NRG3: variants seen among roughly 807,000 people sequenced by gnomAD.
NRG3 encodes neuregulin 3.
In NRG3, 31 loss-of-function variants were observed where a neutral mutation model predicts 66.9. That is an observed-to-expected ratio of 0.46 (90% CI 0.35 to 0.63). The LOEUF (loss-of-function observed/expected upper bound fraction) is 0.63, where lower values mean the gene tolerates loss of function less well. Among genes scored for constraint, NRG3 ranks in the 20% least tolerant of loss-of-function variants. The pLI is 0.00. For synonymous variants in NRG3, 393 were observed against 359.4 expected, an observed-to-expected ratio of 1.09 and a Z score of -1.06; for missense variants, 910 against 878.9, an observed-to-expected ratio of 1.04 and a Z score of -0.45.
chr10:82,118,480 A>G (rs2067866459), intron 1 of NRG3, among the ~76,000 whole-genome samples: 2 of 152,112 alleles, frequency 1.3e-5, no homozygotes, highest in South Asian at 4.1e-4. Flanking sequence ...TTTCTTTTTT[A>G]ATAGTGTGAG....
chr10:82,604,118 A>T (rs1283645957), intron 2 of NRG3, among the ~76,000 whole-genome samples: 2 of 152,152 alleles, frequency 1.3e-5, no homozygotes, highest in Non-Finnish European at 2.9e-5. Context: ...ATGAGTTTTG[A>T]CAAGTGCATA....
chr10:82,733,471 A>T (rs2058017252), intron 2 of NRG3, among the ~76,000 whole-genome samples: 1 of 152,206 alleles, frequency 6.6e-6, no homozygotes, highest in Non-Finnish European at 1.5e-5. Flanking sequence ...CCATAATATA[A>T]ACCATCCCTC....
intron 2 of NRG3, among the ~76,000 whole-genome samples, chr10:82,675,226 G>T (rs2134071494): frequency 6.6e-6 from 1 of 152,174 alleles, no homozygotes; most frequent in East Asian, 1.9e-4. Context: ...CAAAGTGCTG[G>T]GATTACAGGT....
chr10:82,064,166 T>A (rs1301544007), intron 1 of NRG3, among the ~76,000 whole-genome samples: 1 of 152,284 alleles, frequency 6.6e-6, no homozygotes, highest in East Asian at 1.9e-4. Flanking sequence ...TAAGGAAAGA[T>A]CATTAGACCA....
intron 1 of NRG3, among the ~76,000 whole-genome samples, chr10:82,071,483 G>A (rs2064803744): frequency 3.3e-5 from 5 of 152,146 alleles, no homozygotes; most frequent in Admixed American, 3.3e-4. Flanking sequence ...CCCAGGCAGA[G>A]GAAGGGCGCA....
At chr10:82,208,667 A>G (rs1345814739) in intron 1 of NRG3, among the ~76,000 whole-genome samples, 5 of 152,130 alleles carry the variant, frequency 3.3e-5, no homozygotes, top group African/African-American at 7.2e-5. Flanking sequence ...AAAAAAAACT[A>G]CAGGAACGTC....
intron 1 of NRG3, among the ~76,000 whole-genome samples, chr10:82,286,154 A>G (rs2079405854): frequency 2.0e-5 from 3 of 152,202 alleles, no homozygotes; most frequent in African/African-American, 7.2e-5. Context: ...TAGGAAGGGT[A>G]AGAGTCTAAG....
At chr10:82,290,269 T>A (rs543635500) in intron 1 of NRG3, among the ~76,000 whole-genome samples, 2 of 152,316 alleles carry the variant, frequency 1.3e-5, no homozygotes, top group East Asian at 3.9e-4. Flanking sequence ...TAATTATGAT[T>A]TTTGCTGTCA....
chr10:82,885,600 T>A lies in NRG3; in HGVS notation c.1054+20163T>A, dbSNP rs566551025. 3.2e-4 allele frequency among the ~76,000 whole-genome samples: 48 copies of A among 152,320 alleles called. No homozygotes were observed. In the South Asian group the frequency reaches 9.7e-3, roughly 31 times the overall value. On this transcript the variant is annotated intron_variant, in intron 4 of 8. Coordinates refer to ENST00000372141, the MANE Select transcript of NRG3 (RefSeq NM_001010848.4). ...AAATTTTGTCCTATGTCAATACAGA[T>A]CTTCAAAAAAATAAAATACAAAATA...
chr10:82,532,944 T>C (rs1847438546), intron 2 of NRG3, among the ~76,000 whole-genome samples: 1 of 151,620 alleles, frequency 6.6e-6, no homozygotes, highest in African/African-American at 2.4e-5. Flanking sequence ...ACACATGTTA[T>C]TTTCTGGGGT....
At chr10:82,110,834 G>A (rs928960361) in intron 1 of NRG3, among the ~76,000 whole-genome samples, 1 of 151,992 alleles carries the variant, frequency 6.6e-6, no homozygotes, top group African/African-American at 2.4e-5. Flanking sequence ...GAGATGTGTG[G>A]ATCAGAGAGG....
At chr10:82,438,523 T>C (rs2090264007) in intron 2 of NRG3, among the ~76,000 whole-genome samples, 1 of 152,194 alleles carries the variant, frequency 6.6e-6, no homozygotes, top group African/African-American at 2.4e-5. Flanking sequence ...CCAAGGAGCT[T>C]AAACCACTTA....
chr10:82,917,544 A>G (rs1162908050), intron 4 of NRG3, among the ~76,000 whole-genome samples: 1 of 152,140 alleles, frequency 6.6e-6, no homozygotes, highest in African/African-American at 2.4e-5. Context: ...CCCTCTAGCC[A>G]TAATCATTTT....
intron 1 of NRG3, among the ~76,000 whole-genome samples, chr10:82,082,871 C>G (rs553871101): frequency 1.4e-4 from 21 of 152,144 alleles, no homozygotes; most frequent in African/African-American, 5.1e-4. Context: ...AAAATTAAAA[C>G]TATCATGAAT....
rs576628572 is a variant in NRG3 at position 82,866,992 on chromosome 10, G to T, written c.1054+1555G>T. 2.0e-5 allele frequency among the ~76,000 whole-genome samples: 3 copies of T among 152,186 alleles called. No homozygotes were observed. The South Asian group carries it at 6.2e-4, about 32-fold the overall frequency. On this transcript the variant is annotated intron_variant, in intron 4 of 8. Coordinates refer to ENST00000372141, the MANE Select transcript of NRG3 (RefSeq NM_001010848.4). Reference sequence around the variant, plus strand: ...TGGGACAGAGAGAAAAAAAATGTTGGTTATATGCCAAAGTTTCCCATTAAT... The same window carrying T: ...TGGGACAGAGAGAAAAAAAATGTTGTTTATATGCCAAAGTTTCCCATTAAT...
intron 1 of NRG3, among the ~76,000 whole-genome samples, chr10:81,971,352 G>A (rs950455321): frequency 1.3e-5 from 2 of 152,178 alleles, no homozygotes; most frequent in African/African-American, 4.8e-5. Flanking sequence ...TTGTAAAGGT[G>A]AGGACGAATT....
At chr10:82,847,459 A>C (rs1211187639) in intron 3 of NRG3, among the ~76,000 whole-genome samples, 1 of 152,124 alleles carries the variant, frequency 6.6e-6, no homozygotes, top group Non-Finnish European at 1.5e-5. Context: ...TCAATAGATG[A>C]GGAACTGAAA....
At chr10:82,643,246 G>A (rs919524078) in intron 2 of NRG3, among the ~76,000 whole-genome samples, 4 of 152,016 alleles carry the variant, frequency 2.6e-5, no homozygotes, top group African/African-American at 7.2e-5. Context: ...AGGGCCAGGG[G>A]GGTGGTTTCC....
intron 1 of NRG3, among the ~76,000 whole-genome samples, chr10:82,293,379 G>C (rs1186599998): frequency 6.6e-6 from 1 of 152,122 alleles, no homozygotes; most frequent in East Asian, 1.9e-4. Context: ...TATCTCTAGA[G>C]CAAGCCTAGA....
Sources: gnomAD v4.1 joint callset for allele counts (sites outside exome capture counted in the v4.1 genomes callset) on GRCh38, gnomAD v4.1.1 for gene constraint, MANE v1.5 for transcripts, NCBI Gene and HGNC (gene_info 2026-07-23, HGNC 2026-07-21) for gene names.